The following PTPRD variants were observed in gnomAD, a reference collection of about 807,000 sequenced individuals.
PTPRD encodes the protein receptor-type tyrosine-protein phosphatase delta.
Under a neutral mutation model 214.5 loss-of-function variants are expected in PTPRD, and 34 were observed. The observed-to-expected ratio is 0.16, with a 90% CI of 0.12 to 0.21. PTPRD has a LOEUF of 0.21. Ranked by LOEUF, PTPRD falls within the 10% of genes least tolerant of loss-of-function variation. The probability of loss-of-function intolerance (pLI) is 1.00; values close to 1 mark genes in which losing one functional copy is unlikely to be tolerated. For missense variants in PTPRD, 2,545 were observed against 2,398.7 expected, an observed-to-expected ratio of 1.06 and a Z score of -1.27; for synonymous variants, 1,128 against 845.7, an observed-to-expected ratio of 1.33 and a Z score of -5.79.
chr9:8,800,267 T>C (rs1179706296), intron 11 of PTPRD, among the ~76,000 whole-genome samples: 2 of 152,146 alleles, frequency 1.3e-5, no homozygotes, highest in African/African-American at 4.8e-5. Flanking sequence ...GTGATTCTAT[T>C]TGACATCATG....
chr9:10,086,424 G>C (rs963313624), intron 3 of PTPRD, among the ~76,000 whole-genome samples: 3 of 151,684 alleles, frequency 2.0e-5, no homozygotes, highest in African/African-American at 7.3e-5. Context: ...ATGGAGCTCA[G>C]TCCCTTAAGT....
intron 7 of PTPRD, among the ~76,000 whole-genome samples, chr9:9,580,140 T>C (rs1190928662): frequency 6.6e-6 from 1 of 152,166 alleles, no homozygotes; most frequent in African/African-American, 2.4e-5. Context: ...TTTCATAACT[T>C]TGCTATTGTG....
intron 4 of PTPRD, among the ~76,000 whole-genome samples, chr9:9,968,141 A>T (rs910779282): frequency 6.6e-6 from 1 of 152,184 alleles, no homozygotes; most frequent in African/African-American, 2.4e-5. Flanking sequence ...CACATTTTAA[A>T]GGGAACCTAT....
chr9:9,975,295 A>G (rs2095312227), intron 4 of PTPRD, among the ~76,000 whole-genome samples: 1 of 152,196 alleles, frequency 6.6e-6, no homozygotes, highest in Non-Finnish European at 1.5e-5. Flanking sequence ...CTCTCTTTGA[A>G]CCAACCCTTC....
intron 9 of PTPRD, among the ~76,000 whole-genome samples, chr9:9,310,128 T>C (rs1331007199): frequency 6.6e-6 from 1 of 152,158 alleles, no homozygotes; most frequent in African/African-American, 2.4e-5. Flanking sequence ...CCAGACTGTG[T>C]ATACTAAGGC....
chr9:8,846,231 T>G (rs1214948049), intron 11 of PTPRD, among the ~76,000 whole-genome samples: 2 of 152,206 alleles, frequency 1.3e-5, no homozygotes, highest in African/African-American at 4.8e-5. Context: ...TCGTAAACTG[T>G]AGAACCTAAA....
At chr9:10,514,629 G>A (rs1318134516) in intron 2 of PTPRD, among the ~76,000 whole-genome samples, 1 of 151,418 alleles carries the variant, frequency 6.6e-6, no homozygotes, top group East Asian at 1.9e-4. Flanking sequence ...ACTTTTATTT[G>A]AATAGTTAAC....
chr9:8,864,792 G>A (rs1028778204), intron 11 of PTPRD, among the ~76,000 whole-genome samples: 1 of 152,184 alleles, frequency 6.6e-6, no homozygotes, highest in Non-Finnish European at 1.5e-5. Context: ...GTAACTGGGG[G>A]TGTTTCCTTG....
intron 11 of PTPRD, among the ~76,000 whole-genome samples, chr9:8,945,756 G>A (rs2099060354): frequency 6.6e-6 from 1 of 152,052 alleles, no homozygotes; most frequent in Non-Finnish European, 1.5e-5. Flanking sequence ...CTTTGCCTGT[G>A]TACCTTTGGA....
At chr9:9,417,825 T>G (rs1190198194) in intron 8 of PTPRD, among the ~76,000 whole-genome samples, 1 of 152,094 alleles carries the variant, frequency 6.6e-6, no homozygotes, top group Non-Finnish European at 1.5e-5. Context: ...AAATAAAATA[T>G]TGTGAAAGCA....
chr9:10,553,678 T>C (rs1302397074), intron 2 of PTPRD, among the ~76,000 whole-genome samples: 1 of 152,142 alleles, frequency 6.6e-6, no homozygotes, highest in Non-Finnish European at 1.5e-5. Flanking sequence ...ACAAATCCAA[T>C]TCATTTTAAG....
chr9:8,331,085 T>C (rs1346965532), intron 44 of PTPRD, among the ~76,000 whole-genome samples: 1 of 143,152 alleles, frequency 7.0e-6, no homozygotes, highest in Non-Finnish European at 1.5e-5. Context: ...GGTGCTTCAT[T>C]TTCTGATATA....
At chr9:9,514,526 TGCCTTCC>T (rs2096787991) in intron 8 of PTPRD, among the ~76,000 whole-genome samples, 1 of 152,112 alleles carries the variant, frequency 6.6e-6, no homozygotes. Context: ...GAGAAATTCC[TGCCTTCC>T]GAGGAGTTCT....
intron 10 of PTPRD, among the ~76,000 whole-genome samples, chr9:9,098,311 C>T (rs567796322): frequency 1.3e-5 from 2 of 152,086 alleles, no homozygotes; most frequent in Non-Finnish European, 2.9e-5. Flanking sequence ...GGCTGAAGTG[C>T]AGTGGTGTGC....
At chr9:10,268,146 T>C (rs2094192518) in intron 3 of PTPRD, among the ~76,000 whole-genome samples, 1 of 148,012 alleles carries the variant, frequency 6.8e-6, no homozygotes, top group South Asian at 2.1e-4. Context: ...AATAATTGGC[T>C]GAGTGTGGTA....
At chr9:9,667,072 T>C (rs970503459) in intron 7 of PTPRD, among the ~76,000 whole-genome samples, 1 of 152,108 alleles carries the variant, frequency 6.6e-6, no homozygotes, top group African/African-American at 2.4e-5. Context: ...GTCTTTAAGG[T>C]GGCTTCACAA....
intron 14 of PTPRD, among the ~76,000 whole-genome samples, chr9:8,563,436 CT>C (rs1036473887): frequency 0.052 from 6,813 of 130,540 alleles, 302 homozygotes; most frequent in African/African-American, 0.17. Context: ...TTGATGTAGA[CT>C]TTTTTTTTTT....
chr9:10,113,423 T>A (rs1268194818), intron 3 of PTPRD, among the ~76,000 whole-genome samples: 2 of 152,096 alleles, frequency 1.3e-5, no homozygotes, highest in African/African-American at 4.8e-5. Context: ...TACAGATGAG[T>A]TGTTAAAACT....
chr9:8,328,314 A>T (rs551878419), intron 44 of PTPRD, among the ~76,000 whole-genome samples: 2 of 152,244 alleles, frequency 1.3e-5, no homozygotes, highest in East Asian at 1.9e-4. Context: ...TGGGTTGAAA[A>T]GTCTTTTCTT....
Sources: gnomAD v4.1 joint callset for allele counts (sites outside exome capture counted in the v4.1 genomes callset) on GRCh38, gnomAD v4.1.1 for gene constraint, MANE v1.5 for transcripts, NCBI Gene and HGNC (gene_info 2026-07-23, HGNC 2026-07-21) for gene names.